Variants in KIF26B observed in about 807,000 individuals in gnomAD.
KIF26B encodes the protein kinesin-like protein KIF26B.
A neutral mutation model predicts 151.2 loss-of-function variants in KIF26B; 63 were observed. The observed-to-expected ratio is 0.42, with a 90% CI of 0.34 to 0.51. KIF26B has a LOEUF of 0.51. KIF26B is among the 20% of genes least tolerant of loss of function. The pLI is 0.07. For missense variants in KIF26B, 2,813 were observed against 2,913.6 expected, an observed-to-expected ratio of 0.97 and a Z score of 0.79; for synonymous variants, 1,357 against 1,262.1, an observed-to-expected ratio of 1.08 and a Z score of -1.59.
At chr1:245,195,583 A>C (rs1048843914) in intron 2 of KIF26B, among the ~76,000 whole-genome samples, 2 of 152,108 alleles carry the variant, frequency 1.3e-5, no homozygotes, top group African/African-American at 2.4e-5. Flanking sequence ...TCCTCAGCGG[A>C]GGTCACTTAA....
chr1:245,261,784 A>G (rs1332142577), intron 2 of KIF26B, among the ~76,000 whole-genome samples: 1 of 151,438 alleles, frequency 6.6e-6, no homozygotes, highest in African/African-American at 2.4e-5. Flanking sequence ...GGGTTTTGCC[A>G]TGTGCCCAGG....
At chr1:245,691,049 C>T (rs1047852708) in intron 12 of KIF26B, among the ~76,000 whole-genome samples, 5 of 152,336 alleles carry the variant, frequency 3.3e-5, no homozygotes, top group Non-Finnish European at 5.9e-5. Context: ...GCATCGGCTG[C>T]GTGGCCACGT....
At chr1:245,354,343 A>G (rs1316272644) in intron 2 of KIF26B, among the ~76,000 whole-genome samples, 3 of 152,170 alleles carry the variant, frequency 2.0e-5, no homozygotes, top group Admixed American at 1.3e-4. Context: ...AAGCCACCTC[A>G]GCCGTCCCCT....
intron 14 of KIF26B, among the ~76,000 whole-genome samples, chr1:245,700,326 C>T (rs969722518): frequency 6.6e-6 from 1 of 152,154 alleles, no homozygotes; most frequent in Admixed American, 6.5e-5. Flanking sequence ...GTGCTTACTA[C>T]ACTGCTTGGC....
rs1012383886 is a variant in KIF26B at position 245,240,450 on chromosome 1, A to G, written c.465+83767A>G. 2.0e-5 allele frequency among the ~76,000 whole-genome samples: 3 copies of G among 152,182 alleles called. No individual in the cohort carries two copies. The South Asian group carries it at 6.2e-4, about 31-fold the overall frequency. ...TCCATTTCATAAGTCCTGGAATTTT[A>G]AAGTCCTGCATTTTCGGTTCGTTTA... On this transcript the variant is annotated intron_variant, in intron 2 of 14. Transcript: ENST00000407071.
At chr1:245,635,578 C>T (rs539727970) in intron 9 of KIF26B, among the ~76,000 whole-genome samples, 6 of 151,936 alleles carry the variant, frequency 3.9e-5, no homozygotes, top group Admixed American at 6.6e-5. Flanking sequence ...TTTGATTCAT[C>T]GACTTTTCTC....
chr1:245,158,988 C>T (rs934577368), intron 2 of KIF26B, among the ~76,000 whole-genome samples: 5 of 152,050 alleles, frequency 3.3e-5, no homozygotes, highest in African/African-American at 1.2e-4. Context: ...GGATGGAGGC[C>T]ATGTAACTTG....
chr1:245,166,575 A>C lies in KIF26B; in HGVS notation c.465+9892A>C, dbSNP rs1323191443. Among the ~76,000 whole-genome samples, 1 of 152,166 alleles carries C rather than the reference A, an allele frequency of 6.6e-6. No individual in the cohort carries two copies. The highest frequency in any genetic ancestry group is 1.9e-4 in the East Asian group (1 of 5,190). ...TCGTAGCCCCTCCAGGGAGACTTGC[A>C]GATGTGGCATTTGGCATTTCGGCTC... is the stretch of plus-strand genomic sequence containing the variant. On this transcript the variant is annotated intron_variant, in intron 2 of 14. Transcript: ENST00000407071. This position sits in a 1 kb window ranked among gnomAD's most constrained non-coding sequence, Gnocchi z 4.5.
At chr1:245,349,664 G>A (rs1672527114) in intron 2 of KIF26B, among the ~76,000 whole-genome samples, 1 of 151,710 alleles carries the variant, frequency 6.6e-6, no homozygotes, top group Non-Finnish European at 1.5e-5. Context: ...TAATGAATTA[G>A]GTTCTAAGAA....
At chr1:245,612,099 TGTGTGTGAGA>T (rs1295101700) in intron 9 of KIF26B, 123 bp downstream of exon 9, 88 of 589,110 alleles carry the variant, frequency 1.5e-4, no homozygotes, top group Middle Eastern at 4.4e-4. Flanking sequence ...TGTGTGTGTG[TGTGTGTGAGA>T]GAGAGAGAGA....
At chr1:245,388,877 G>C (rs115513716) in intron 3 of KIF26B, among the ~76,000 whole-genome samples, 1 of 152,160 alleles carries the variant, frequency 6.6e-6, no homozygotes, top group Middle Eastern at 3.2e-3. Context: ...TGAACTGTGC[G>C]CACCTTTGCC....
intron 2 of KIF26B, among the ~76,000 whole-genome samples, chr1:245,325,112 GAAAAA>G (rs1188471553): frequency 2.4e-5 from 3 of 123,048 alleles, no homozygotes; most frequent in Non-Finnish European, 3.5e-5. Flanking sequence ...AAAAAAAAAA[GAAAAA>G]AAGAAAAAAG....
At chr1:245,494,093 C>G (rs1045883068) in intron 4 of KIF26B, among the ~76,000 whole-genome samples, 2 of 152,030 alleles carry the variant, frequency 1.3e-5, no homozygotes, top group African/African-American at 4.8e-5. Flanking sequence ...CACCTGAGGT[C>G]AGGAGTTTGA....
At chr1:245,509,915 G>A (rs934295600) in intron 4 of KIF26B, among the ~76,000 whole-genome samples, 10 of 152,140 alleles carry the variant, frequency 6.6e-5, no homozygotes, top group African/African-American at 2.4e-4. Flanking sequence ...ACCGGTTCCT[G>A]TGCTATTACA....
intron 2 of KIF26B, among the ~76,000 whole-genome samples, chr1:245,303,337 T>TA (rs1405811191): frequency 6.6e-6 from 1 of 150,826 alleles, no homozygotes; most frequent in African/African-American, 2.5e-5. Flanking sequence ...TAGCTGGGAC[T>TA]ACAGGTGCCC....
intron 5 of KIF26B, among the ~76,000 whole-genome samples, chr1:245,552,548 C>G (rs987456639): frequency 6.6e-6 from 1 of 151,872 alleles, no homozygotes; most frequent in African/African-American, 2.4e-5. Context: ...CATTCTGTTG[C>G]GATGATCCTT....
intron 5 of KIF26B, among the ~76,000 whole-genome samples, chr1:245,554,293 A>G (rs76239082): frequency 0.019 from 2,944 of 152,320 alleles, 92 homozygotes; most frequent in African/African-American, 0.067. Context: ...ATGCTTAGCC[A>G]TATGTCAGAC....
intron 2 of KIF26B, among the ~76,000 whole-genome samples, chr1:245,228,305 G>T: frequency 6.6e-6 from 1 of 152,136 alleles, no homozygotes. Flanking sequence ...GGCATCTCCA[G>T]GTATCTTCCC....
rs1467330064 is a variant in KIF26B, at chr1:245,173,532, C to T, written c.465+16849C>T. Among the ~76,000 whole-genome samples the T allele has an allele frequency of 5.9e-5, 9 of 152,098 alleles. 1 individual carries two copies. Among genetic ancestry groups the T allele is most frequent in the Admixed American group, 1.3e-4 (2 of 15,282 alleles). ...CCCAAGCACGTTACAAGCAGTCTCA[C>T]GTTTGATCCACCCTATGAGACAGGC... is the stretch of plus-strand genomic sequence containing the variant. On this transcript the variant is annotated intron_variant, in intron 2 of 14. Coordinates refer to ENST00000407071, the MANE Select transcript of KIF26B (RefSeq NM_018012.4).
Sources: allele counts gnomAD v4.1 joint callset (sites outside exome capture counted in the v4.1 genomes callset), GRCh38; gene constraint gnomAD v4.1.1; non-coding constraint Gnocchi (gnomAD v3.1); transcripts MANE v1.5; gene names NCBI Gene and HGNC (gene_info 2026-07-23, HGNC 2026-07-21).